Variants in LMO7 observed in about 807,000 individuals in gnomAD.
The protein encoded by LMO7 is LIM domain only protein 7.
Under a neutral mutation model 206.5 loss-of-function variants are expected in LMO7, and 120 were observed. The observed-to-expected ratio is 0.58, with a 90% CI of 0.50 to 0.68. The LOEUF (loss-of-function observed/expected upper bound fraction) is 0.68. Among genes scored for constraint, LMO7 ranks in the 30% least tolerant of loss-of-function variants. The probability of loss-of-function intolerance (pLI) is 0.00; values close to 1 mark genes in which losing one functional copy is unlikely to be tolerated. For synonymous variants in LMO7, 706 were observed against 681.5 expected, an observed-to-expected ratio of 1.04 and a Z score of -0.56; for missense variants, 1,959 against 1,957.9, an observed-to-expected ratio of 1.00 and a Z score of -0.01.
At chr13:75,732,119 C>G (rs532332960) in intron 3 of LMO7, among the ~76,000 whole-genome samples, 3 of 152,032 alleles carry the variant, frequency 2.0e-5, no homozygotes, top group African/African-American at 7.2e-5. Context: ...TTGCTCTTCT[C>G]GAGGAGTATC....
chr13:75,621,632 G>T (rs570096611), exon 1 of LMO7: 1 of 923,792 alleles, frequency 1.1e-6, no homozygotes, highest in Non-Finnish European at 1.6e-6. Context: ...TAGGGCAAGT[G>T]CAAATAAGTT....
At chr13:75,703,144 C>A (rs1160066105) in intron 1 of LMO7, among the ~76,000 whole-genome samples, 1 of 152,222 alleles carries the variant, frequency 6.6e-6, no homozygotes, top group South Asian at 2.1e-4. Flanking sequence ...ACACAACCAA[C>A]TCCCTCATCC....
chr13:75,779,651 G>A (rs1325179606), intron 4 of LMO7, among the ~76,000 whole-genome samples: 1 of 152,152 alleles, frequency 6.6e-6, no homozygotes, highest in Non-Finnish European at 1.5e-5. Flanking sequence ...GCATGTGCGT[G>A]CATGTGCATG....
At chr13:75,744,253 A>G (rs886912749) in intron 3 of LMO7, among the ~76,000 whole-genome samples, 2 of 152,180 alleles carry the variant, frequency 1.3e-5, no homozygotes, top group African/African-American at 2.4e-5. Flanking sequence ...CAATACCCTC[A>G]TGACGTGGCA....
At chr13:75,788,635 A>G (rs1470710882) in intron 4 of LMO7, among the ~76,000 whole-genome samples, 5 of 152,012 alleles carry the variant, frequency 3.3e-5, no homozygotes, top group African/African-American at 1.2e-4. Context: ...ATCATGATTC[A>G]CGGCCTCATT....
At chr13:75,735,309 C>A (rs919468046) in intron 3 of LMO7, among the ~76,000 whole-genome samples, 8 of 151,878 alleles carry the variant, frequency 5.3e-5, no homozygotes, top group Non-Finnish European at 7.4e-5. Flanking sequence ...AGCTTGTGAG[C>A]CCTTTCCAAA....
chr13:75,842,047 C>A, intron 24 of LMO7, 64 bp downstream of exon 24: 1 of 1,220,042 alleles, frequency 8.2e-7, no homozygotes, highest in Non-Finnish European at 1.1e-6. Flanking sequence ...TCAAAGGCAC[C>A]CGCTTGCTCT....
chr13:75,827,676 G>A (rs1351145114), intron 15 of LMO7, among the ~76,000 whole-genome samples: 1 of 152,156 alleles, frequency 6.6e-6, no homozygotes, highest in African/African-American at 2.4e-5. Context: ...CCATGCAGAT[G>A]TGGTTTTCAT....
intron 1 of LMO7, among the ~76,000 whole-genome samples, chr13:75,640,572 A>G (rs1355702768): frequency 2.0e-5 from 3 of 151,962 alleles, no homozygotes; most frequent in African/African-American, 7.3e-5. Context: ...TCTTACATAA[A>G]TCTCTCTTTT....
chr13:75,632,811 G>T (rs914865692), upstream of LMO7, among the ~76,000 whole-genome samples: 1 of 147,310 alleles, frequency 6.8e-6, no homozygotes, highest in East Asian at 2.0e-4. Context: ...TTAAAATTTT[G>T]TGTCACTTAT....
intron 4 of LMO7, among the ~76,000 whole-genome samples, chr13:75,764,979 A>G (rs2048665005): frequency 6.6e-6 from 1 of 152,178 alleles, no homozygotes; most frequent in Non-Finnish European, 1.5e-5. Context: ...TTAAAAATCT[A>G]TTCTCTTTAC....
intron 1 of LMO7, among the ~76,000 whole-genome samples, chr13:75,686,427 G>T (rs982395320): frequency 5.3e-5 from 8 of 151,870 alleles, no homozygotes; most frequent in African/African-American, 1.7e-4. Flanking sequence ...TCTCCCACCT[G>T]GTCCCTCCCA....
intron 12 of LMO7, among the ~76,000 whole-genome samples, chr13:75,817,685 A>G (rs1208636752): frequency 6.6e-6 from 1 of 152,222 alleles, no homozygotes; most frequent in African/African-American, 2.4e-5. Flanking sequence ...TCAGTAAGGA[A>G]AGATGAAAAG....
chr13:75,636,997 G>A (rs2035963128), intron 1 of LMO7, among the ~76,000 whole-genome samples: 1 of 152,188 alleles, frequency 6.6e-6, no homozygotes, highest in South Asian at 2.1e-4. Context: ...TCGCCTGCCG[G>A]CATCGCGCGT....
At chr13:75,857,653 C>G in intron 30 of LMO7, 1 of 286,620 alleles carries the variant, frequency 3.5e-6, no homozygotes, top group Admixed American at 5.2e-5. Context: ...ATTGCCCATG[C>G]CTTTTCTCTC....
chr13:75,746,103 G>A (rs2046817268), intron 3 of LMO7, among the ~76,000 whole-genome samples: 1 of 152,160 alleles, frequency 6.6e-6, no homozygotes, highest in African/African-American at 2.4e-5. Flanking sequence ...CGTTTTGATG[G>A]AAGAGTGTAT....
chr13:75,642,505 AG>A (rs1437841247), intron 1 of LMO7, among the ~76,000 whole-genome samples: 1 of 147,090 alleles, frequency 6.8e-6, no homozygotes, highest in Non-Finnish European at 1.5e-5. Context: ...TGGGAGGCTG[AG>A]GTGGGAGGAT....
intron 2 of LMO7, among the ~76,000 whole-genome samples, chr13:75,624,229 A>G (rs368449526): frequency 6.6e-6 from 1 of 152,330 alleles, no homozygotes; most frequent in East Asian, 1.9e-4. Flanking sequence ...GAAGGTTTCC[A>G]CACTTCAGGA....
chr13:75,802,730 C>T (rs781252732), intron 7 of LMO7, among the ~76,000 whole-genome samples: 9 of 151,944 alleles, frequency 5.9e-5, no homozygotes, highest in Non-Finnish European at 8.8e-5. Flanking sequence ...TACAACTAAG[C>T]GGGGAAAAAA....
Sources: allele counts gnomAD v4.1 joint callset (sites outside exome capture counted in the v4.1 genomes callset), GRCh38; gene constraint gnomAD v4.1.1; transcripts MANE v1.5; gene names NCBI Gene and HGNC (gene_info 2026-07-23, HGNC 2026-07-21).